The following CD9 variants were observed in gnomAD, a reference collection of about 807,000 sequenced individuals.
CD9 encodes the protein CD9 molecule.
A neutral mutation model predicts 31.4 loss-of-function variants in CD9; 10 were observed. The observed-to-expected ratio is 0.32, with a 90% CI of 0.20 to 0.54. The LOEUF (loss-of-function observed/expected upper bound fraction) is 0.54. CD9 is among the 20% of genes least tolerant of loss of function. The pLI, the probability that CD9 is intolerant of heterozygous loss-of-function variation, is 0.94. For synonymous variants in CD9, 113 were observed against 114.1 expected (o/e 0.99, Z 0.06); for missense variants, 259 against 300.1 (o/e 0.86, Z 1.01).
intron 7 of CD9, 30 bp downstream of exon 7, chr12:6,236,305 G>A (rs1464046617): frequency 1.3e-6 from 2 of 1,592,438 alleles, no homozygotes; most frequent in South Asian, 1.1e-5. Context: ...CCCAGGAGGG[G>A]GACTGAGGAG....
chr12:6,237,935 T>A lies in CD9; in HGVS notation c.*107T>A. ...TGTTTGTTGTTTGTTTTTTTGCCAC[T>A]AATTTTAGTATTCATTCTGCATTGC... On this transcript the variant is annotated 3_prime_UTR_variant, in exon 8 of 8. Transcript: ENST00000009180. 1 of 790,416 alleles carries A rather than the reference T, an allele frequency of 1.3e-6. No individual in the cohort carries two copies. The highest frequency in any genetic ancestry group is 2.1e-6 in the Non-Finnish European group (1 of 466,336). The allele number at this position is 790,416 out of a possible 1,614,324, so 49.0% of individuals were successfully genotyped here. A position where few individuals can be genotyped will look rare whatever the true frequency, so the allele number is the denominator to read the frequency against.
chr12:6,200,652 G>T, intron 1 of CD9, 87 bp downstream of exon 1: 1 of 874,152 alleles, frequency 1.1e-6, no homozygotes, highest in Non-Finnish European at 1.9e-6. Flanking sequence ...AGTGCCGGCA[G>T]CTGGCACTGC....
intron 2 of CD9, among the ~76,000 whole-genome samples, chr12:6,226,791 C>T (rs528433743): frequency 2.0e-5 from 3 of 152,320 alleles, no homozygotes; most frequent in African/African-American, 4.8e-5. Flanking sequence ...GTTTCTATAG[C>T]GCCCTGACTT....
chr12:6,205,836 A>T (rs1179491872), intron 1 of CD9: 1 of 152,172 alleles, frequency 6.6e-6, no homozygotes, highest in Non-Finnish European at 1.5e-5. Context: ...GGTCACCCCA[A>T]CCACAGCTTC....
chr12:6,203,057 C>T lies in CD9; in HGVS notation c.66+2492C>T, dbSNP rs989277429. Among the ~76,000 whole-genome samples the T allele has an allele frequency of 1.3e-5, 2 of 152,274 alleles. 1 individual carries two copies. Among genetic ancestry groups the T allele is most frequent in the East Asian group, 3.9e-4 (2 of 5,194 alleles). The stretch of plus-strand genomic sequence containing the variant: ...ATGTAATGAAAAGGAAGACTGTGGT[C>T]GGTCCACTTGTGCAGAGTGTTAGTC... On this transcript the variant is annotated intron_variant, in intron 1 of 7. Coordinates refer to ENST00000009180, the MANE Select transcript of CD9 (RefSeq NM_001769.4).
intron 1 of CD9, among the ~76,000 whole-genome samples, chr12:6,201,612 T>C (rs975436941): frequency 2.2e-4 from 33 of 152,260 alleles, no homozygotes; most frequent in Non-Finnish European, 3.5e-4. Context: ...CCTTGTGTCC[T>C]TGTTTCTATA....
chr12:6,214,207 G>A (rs1250230208), intron 1 of CD9, among the ~76,000 whole-genome samples: 2 of 152,136 alleles, frequency 1.3e-5, no homozygotes, highest in African/African-American at 2.4e-5. Context: ...AGAGGATTCA[G>A]TGAGAGACTG....
chr12:6,226,078 G>T (rs918501654), intron 2 of CD9, among the ~76,000 whole-genome samples: 5 of 152,188 alleles, frequency 3.3e-5, no homozygotes, highest in African/African-American at 4.8e-5. Context: ...GGTAAATGCT[G>T]TAGTGTTTAG....
intron 1 of CD9, among the ~76,000 whole-genome samples, chr12:6,210,125 CAGAG>C (rs1458316826): frequency 6.6e-6 from 1 of 151,034 alleles, no homozygotes; most frequent in Non-Finnish European, 1.5e-5. Flanking sequence ...GGCTATAACA[CAGAG>C]AGGCCTGTGC....
intron 7 of CD9, chr12:6,236,571 C>T (rs1196677392): frequency 4.2e-6 from 2 of 472,328 alleles, no homozygotes; most frequent in East Asian, 3.2e-5. Context: ...TGCTAGTCCT[C>T]GGAGCATGTC....
rs752948651 is a variant in CD9, at chr12:6,235,456, T to A, written c.448-20T>A. On this transcript the variant is annotated intron_variant, in intron 5 of 7. Coordinates refer to ENST00000009180, the MANE Select transcript of CD9 (RefSeq NM_001769.4). ...TTACAATTTGTTTCTCTCATCCCCATCCCTGCCTTCTCGCTGTAGTTGAAC... is the reference window on the plus strand; with the variant it reads ...TTACAATTTGTTTCTCTCATCCCCAACCCTGCCTTCTCGCTGTAGTTGAAC... The A allele has an allele frequency of 5.0e-6, 8 of 1,613,618 alleles. No homozygotes were observed. The African/African-American group carries it at 9.3e-5, about 19-fold the overall frequency.
At chr12:6,222,828 C>T (rs1445044415) in intron 1 of CD9, among the ~76,000 whole-genome samples, 1 of 152,226 alleles carries the variant, frequency 6.6e-6, no homozygotes, top group African/African-American at 2.4e-5. Flanking sequence ...TGAGAGGCTG[C>T]TGTGCAGAGC....
At chr12:6,205,044 A>C (rs1946115829) in intron 1 of CD9, among the ~76,000 whole-genome samples, 1 of 152,230 alleles carries the variant, frequency 6.6e-6, no homozygotes, top group South Asian at 2.1e-4. Flanking sequence ...GGGCATGGAC[A>C]AGTTGGGTGG....
chr12:6,200,745 G>A, intron 1 of CD9, 180 bp downstream of exon 1: 1 of 479,316 alleles, frequency 2.1e-6, no homozygotes, highest in Non-Finnish European at 3.7e-6. Flanking sequence ...GAGCCGGGCG[G>A]GACGGCCGCG....
chr12:6,235,492 T>C lies in CD9; in HGVS notation c.464T>C (p.Leu155Ser). 1 of 1,614,068 alleles carries C rather than the reference T, an allele frequency of 6.2e-7. No individual in the cohort carries two copies. The highest frequency in any genetic ancestry group is 8.5e-7 in the Non-Finnish European group (1 of 1,179,894). ...TCGCTGTAGTTGAACTGCTGTGGTT[T>C]GGCTGGGGGCGTGGAACAGTTTATC... is the stretch of plus-strand genomic sequence containing the variant. ...AIHYALNCCGLAGGVEQFISD... is the reference protein window; with the variant it reads ...AIHYALNCCGSAGGVEQFISD... Residue 155 changes from leucine to serine, a missense_variant, in exon 6 of 8, where the codon TTG (leucine) becomes TCG (serine). By Grantham distance (145) the Leu-to-Ser change is moderately radical. Coordinates refer to ENST00000009180, the MANE Select transcript of CD9 (RefSeq NM_001769.4).
chr12:6,220,328 G>A (rs1411672731), intron 1 of CD9, among the ~76,000 whole-genome samples: 1 of 152,182 alleles, frequency 6.6e-6, no homozygotes, highest in African/African-American at 2.4e-5. Flanking sequence ...CAGACAAGGA[G>A]GAGGCAGGGT....
At chr12:6,224,357 T>C (rs1946334542) in intron 1 of CD9, among the ~76,000 whole-genome samples, 1 of 152,012 alleles carries the variant, frequency 6.6e-6, no homozygotes, top group Non-Finnish European at 1.5e-5. Context: ...CCCCTTATGC[T>C]CCTGGGGGGT....
intron 2 of CD9, among the ~76,000 whole-genome samples, chr12:6,227,134 G>A (rs554320406): frequency 1.8e-4 from 27 of 152,096 alleles, no homozygotes; most frequent in African/African-American, 6.0e-4. Context: ...AGATGTGGGA[G>A]TTAAGAATCT....
intron 1 of CD9, among the ~76,000 whole-genome samples, chr12:6,213,259 A>T (rs181197054): frequency 6.6e-6 from 1 of 152,102 alleles, no homozygotes; most frequent in African/African-American, 2.4e-5. Context: ...ATATCTTCTC[A>T]CTTCAGTTCA....
Sources: gnomAD v4.1 joint callset for allele counts (sites outside exome capture counted in the v4.1 genomes callset) on GRCh38, gnomAD v4.1.1 for gene constraint, MANE v1.5 for transcripts, NCBI Gene and HGNC (gene_info 2026-07-23, HGNC 2026-07-21) for gene names.